C11orf21: variants seen among roughly 807,000 people sequenced by gnomAD.
C11orf21 encodes the protein uncharacterized protein C11orf21.
A neutral mutation model predicts 15.2 loss-of-function variants in C11orf21; 19 were observed. That is an observed-to-expected ratio of 1.25 (90% CI 0.87 to 1.84). The LOEUF (loss-of-function observed/expected upper bound fraction) is 1.84, where lower values mean the gene tolerates loss of function less well. Among genes scored for constraint, C11orf21 ranks in the 40% most tolerant of loss-of-function variants. The pLI is 0.00. For missense variants in C11orf21, 171 were observed against 174.4 expected (o/e 0.98, Z 0.11); for synonymous variants, 62 against 66.8 (o/e 0.93, Z 0.35).
rs1001898320 is a variant in C11orf21 at position 2,296,575 on chromosome 11, G to T, written c.*1375C>A. ...GGTCCCTGAGGGGAGACTGGGGAAA[G>T]AAGAATAATGTAAATTTGTAGGAGT... On this transcript the variant is annotated 3_prime_UTR_variant, in exon 4 of 4. Transcript: ENST00000381153. The surrounding 1 kb of genome is among the most constrained non-coding windows in gnomAD (Gnocchi z 5.6). 6.6e-6 allele frequency: 1 copy of T among 152,254 alleles called. No homozygotes were observed. Among genetic ancestry groups the T allele is most frequent in the Non-Finnish European group, 1.5e-5 (1 of 68,058 alleles). The allele number at this position is 152,254 out of a possible 1,614,324, so 9.4% of individuals were successfully genotyped here.
chr11:2,298,893 G>GT (rs954320821), intron 3 of C11orf21, among the ~76,000 whole-genome samples: 2 of 151,868 alleles, frequency 1.3e-5, no homozygotes, highest in African/African-American at 2.4e-5. Flanking sequence ...AGGCTCCTTG[G>GT]GGGGGGAAGC....
chr11:2,299,357 C>T (rs574433780), intron 3 of C11orf21, 71 bp downstream of exon 3: 97 of 1,454,512 alleles, frequency 6.7e-5, no homozygotes, highest in Middle Eastern at 4.3e-4. Context: ...AGTGCCTCCC[C>T]GGTGGGAGGG....
In C11orf21 at chr11:2,299,582, G is replaced by A. The variant is rs774133235; in HGVS notation, c.273C>T (p.Cys91=). 2.3e-5 allele frequency: 35 copies of A among 1,550,734 alleles called. No homozygotes were observed. In the African/African-American group the frequency reaches 4.4e-4, roughly 19 times the overall value. Residue 91 remains cysteine, a synonymous_variant, in exon 3 of 4, where the codon TGC becomes TGT. Coordinates refer to ENST00000381153, the MANE Select transcript of C11orf21 (RefSeq NM_001329958.2). ...HPALHWLACC[C]CLSLPGQLPL... is the part of the protein sequence containing the mutation. ...GCAACTGCCCAGGTAAACTGAGACA[G>A]CAGCAGCAGGCAAGCCAGTGCAGAG...
upstream of C11orf21, chr11:2,301,988 C>A: frequency 6.7e-7 from 1 of 1,493,692 alleles, no homozygotes; most frequent in Non-Finnish European, 8.9e-7. Flanking sequence ...TGCCCTTCTT[C>A]CGGGGCACCC....
At chr11:2,301,496 C>A in intron 1 of C11orf21, 1 of 421,186 alleles carries the variant, frequency 2.4e-6, no homozygotes, top group Non-Finnish European at 4.3e-6. Context: ...CCTGGAGGCC[C>A]CACGTGAGTG....
At position 2,299,485 on chromosome 11, in the gene C11orf21, C is replaced by T; in HGVS notation, c.370G>A (p.Ala124Thr). 1 of 1,550,338 alleles carries T rather than the reference C, an allele frequency of 6.5e-7. No homozygotes were observed. The highest frequency in any genetic ancestry group is 8.7e-7 in the Non-Finnish European group (1 of 1,146,936). ...GPSSGKLCPR[A>T]RRWQPLPS Reference sequence around the variant, plus strand: ...GAAGGTAGAGGCTGCCACCTCCTGGCCCGAGGACACAGCTTTCCAGAGGAG... The same window carrying T: ...GAAGGTAGAGGCTGCCACCTCCTGGTCCGAGGACACAGCTTTCCAGAGGAG... Residue 124 changes from alanine to threonine, a missense_variant, in exon 3 of 4, where the codon GCC (alanine) becomes ACC (threonine). Coordinates refer to ENST00000381153, the MANE Select transcript of C11orf21 (RefSeq NM_001329958.2).
At chr11:2,299,392 GC>G (rs1245551232) in intron 3 of C11orf21, 35 bp downstream of exon 3, 4 of 1,534,482 alleles carry the variant, frequency 2.6e-6, no homozygotes, top group South Asian at 2.4e-5. Flanking sequence ...CAGCACAGGG[GC>G]CCCCAGGCTC....
rs1417649641 is a variant in C11orf21, at chr11:2,300,758, G to A, written c.54-145C>T. 2.6e-6 allele frequency: 4 copies of A among 1,550,836 alleles called. No individual in the cohort carries two copies. In the Admixed American group the frequency reaches 5.9e-5, roughly 23 times the overall value. On this transcript the variant is annotated intron_variant, in intron 1 of 3. Transcript: ENST00000381153. ...CAGCTCCAGGGAGGTCAAGGTTGGA[G>A]AGAGACAATTCTAGGGGCGAACCAG...
chr11:2,301,623 A>G, intron 1 of C11orf21, 133 bp downstream of exon 1: 3 of 744,800 alleles, frequency 4.0e-6, no homozygotes, highest in Non-Finnish European at 6.3e-6. Context: ...AAGCTGTCAC[A>G]GGACATTTCA....
At chr11:2,299,826 ACGTC>A in intron 2 of C11orf21, 119 bp from the exon 3 acceptor site, 7 of 568,086 alleles carry the variant, frequency 1.2e-5, no homozygotes, top group Non-Finnish European at 2.0e-5. Flanking sequence ...ACACACATCC[ACGTC>A]TGCACACGCA....
At chr11:2,299,832 GCA>G in intron 2 of C11orf21, 125 bp from the exon 3 acceptor site, 1 of 500,402 alleles carries the variant, frequency 2.0e-6, no homozygotes, top group Non-Finnish European at 3.2e-6. Flanking sequence ...ATCCACGTCT[GCA>G]CACGCATCCA....
rs556887239 is a variant in C11orf21 at position 2,299,394 on chromosome 11, C to A, written c.*28+34G>T. 132 of 1,536,260 alleles carry A rather than the reference C, an allele frequency of 8.6e-5. No individual in the cohort carries two copies. The African/African-American group carries it at 1.8e-3, about 21-fold the overall frequency. On this transcript the variant is annotated intron_variant, in intron 3 of 3. Transcript: ENST00000381153. ...CCGCGCTCACAGACAGCACAGGGGC[C>A]CCCAGGCTCCAGCCTCAGAGCCCGG...
chr11:2,300,041 G>A (rs919170937), intron 2 of C11orf21, among the ~76,000 whole-genome samples: 32 of 143,336 alleles, frequency 2.2e-4, no homozygotes, highest in African/African-American at 7.1e-4. Context: ...GGTCTTCCAG[G>A]CTCCCAGCGG....
chr11:2,299,676 G>A lies in C11orf21; in HGVS notation c.179C>T (p.Ala60Val). ...GGCACCATGGGCGGAGGGTTGGGCA[G>A]CTGCAGGTGGCATCATTGAGCCAGG... Reference protein sequence around the residue: ...EAPGSMMPPAAAQPSAHGALV... With the variant: ...EAPGSMMPPAVAQPSAHGALV... Residue 60 changes from alanine (A) to valine (V), a missense_variant, in exon 3 of 4, where the codon GCT becomes GTT. Transcript: ENST00000381153. The A allele has an allele frequency of 3.9e-6, 6 of 1,551,086 alleles. No individual in the cohort carries two copies.
chr11:2,300,027 G>T (rs574828642), intron 2 of C11orf21, among the ~76,000 whole-genome samples: 234 of 146,718 alleles, frequency 1.6e-3, no homozygotes, highest in Non-Finnish European at 2.8e-3. Context: ...CCCGCTGCTC[G>T]AGGGGTCTTC....
intron 2 of C11orf21, 46 bp downstream of exon 2, chr11:2,300,474 C>T (rs1460055221): frequency 7.7e-7 from 1 of 1,298,188 alleles, no homozygotes; most frequent in Non-Finnish European, 1.1e-6. Context: ...TCCACCGGCT[C>T]CCTGCCCCCG....
chr11:2,298,110 C>T (rs1328085487), intron 3 of C11orf21, among the ~76,000 whole-genome samples, 189 bp from the exon 4 acceptor site: 3 of 152,174 alleles, frequency 2.0e-5, no homozygotes, highest in Non-Finnish European at 4.4e-5. Context: ...TGCAGGAACA[C>T]GATTCTGTCC....
At chr11:2,302,610 G>C (rs1847820792), upstream of C11orf21, 2 of 572,464 alleles carry the variant, frequency 3.5e-6, no homozygotes, top group Middle Eastern at 4.6e-4. Flanking sequence ...GTCTGGGGAA[G>C]CTGGGCTGTG....
At chr11:2,299,807 T>C in intron 2 of C11orf21, 100 bp from the exon 3 acceptor site, 1 of 1,407,930 alleles carries the variant, frequency 7.1e-7, no homozygotes, top group Non-Finnish European at 9.7e-7. Context: ...GGTAAACACA[T>C]ATGCATGCAC....
Sources: gnomAD v4.1 joint callset for allele counts (sites outside exome capture counted in the v4.1 genomes callset) on GRCh38, gnomAD v4.1.1 for gene constraint, Gnocchi (gnomAD v3.1) non-coding constraint, MANE v1.5 for transcripts, NCBI Gene and HGNC (gene_info 2026-07-23, HGNC 2026-07-21) for gene names.